Variants in EFR3B observed in about 807,000 individuals in gnomAD.
EFR3B encodes EFR3 homolog B, also known as protein EFR3 homolog B.
A neutral mutation model predicts 104.7 loss-of-function variants in EFR3B; 64 were observed. The ratio of observed to expected loss-of-function variants is 0.61; its 90% confidence interval spans 0.50 to 0.75. The LOEUF (loss-of-function observed/expected upper bound fraction) is 0.75, where lower values mean the gene tolerates loss of function less well. EFR3B is among the 30% of genes least tolerant of loss of function. The pLI, the probability that EFR3B is intolerant of heterozygous loss-of-function variation, is 0.00. For missense variants in EFR3B, 750 were observed against 1,078.5 expected, an observed-to-expected ratio of 0.70 and a Z score of 4.27; for synonymous variants, 385 against 417.9, an observed-to-expected ratio of 0.92 and a Z score of 0.96.
intron 1 of EFR3B, chr2:25,081,640 C>T (rs965924491): frequency 1.2e-5 from 8 of 659,606 alleles, no homozygotes; most frequent in South Asian, 1.1e-4. Flanking sequence ...AAGGTGGCCC[C>T]GAAGGGTAGC....
chr2:25,131,756 C>G lies in EFR3B; in HGVS notation c.992C>G (p.Thr331Arg). 6.6e-7 allele frequency: 1 copy of G among 1,510,734 alleles called. No individual in the cohort carries two copies. Among genetic ancestry groups the G allele is most frequent in the Non-Finnish European group, 8.9e-7 (1 of 1,124,492 alleles). 93.6% of individuals were successfully genotyped at this position (1,510,734 alleles called of 1,614,324 possible). The change falls in exon 10 of 23, where the codon ACA (threonine) becomes AGA (arginine). Residue 331 changes from threonine (T) to arginine (R), a missense_variant. Coordinates refer to ENST00000403714, the MANE Select transcript of EFR3B (RefSeq NM_014971.2). The surrounding 1 kb of genome is among the most constrained non-coding windows in gnomAD (Gnocchi z 7.6). ...VIAATGSVGP[T>R]VLEMFNTLLR... ...CCCGCCCCACCGCTCTCAGGGCCCA[C>G]AGTACTGGAGATGTTCAACACGCTG...
At position 25,106,404 on chromosome 2, in the gene EFR3B, T is replaced by C. The variant is rs369705063; in HGVS notation, c.363+2617T>C. ...TCCGAGGTTCAAGTGATTCTTCTAC[T>C]TCAGCCTCTCCAGTAGCTAGGATTA... On this transcript the variant is annotated intron_variant, in intron 4 of 22. Transcript: ENST00000403714. 6.4e-4 allele frequency among the ~76,000 whole-genome samples: 97 copies of C among 151,864 alleles called. 1 individual carries two copies. In the South Asian group the frequency reaches 0.019, roughly 30 times the overall value.
intron 3 of EFR3B, among the ~76,000 whole-genome samples, chr2:25,099,458 G>A (rs1669372180): frequency 6.6e-6 from 1 of 151,868 alleles, no homozygotes; most frequent in South Asian, 2.1e-4. Context: ...GGTGGGCCCA[G>A]AGACAACTAT....
chr2:25,133,564 C>A, intron 12 of EFR3B, 130 bp downstream of exon 12: 3 of 1,021,078 alleles, frequency 2.9e-6, no homozygotes, highest in South Asian at 1.4e-5. Flanking sequence ...TCGGTTGAGT[C>A]GGGGCTGAAA....
At chr2:25,045,021 C>T (rs1667677660) in intron 1 of EFR3B, among the ~76,000 whole-genome samples, 1 of 152,158 alleles carries the variant, frequency 6.6e-6, no homozygotes, top group East Asian at 1.9e-4. Flanking sequence ...TCCCTGTATA[C>T]AAAAGTGAAA....
intron 1 of EFR3B, among the ~76,000 whole-genome samples, chr2:25,062,406 C>T (rs182320696): frequency 2.3e-3 from 343 of 152,292 alleles, no homozygotes; most frequent in Non-Finnish European, 3.9e-3. Context: ...GTACTGAATG[C>T]TTAAATGTGT....
chr2:25,109,352 C>G lies in EFR3B; in HGVS notation c.363+5565C>G, dbSNP rs569294043. Among the ~76,000 whole-genome samples, 11 of 152,296 alleles carry G rather than the reference C, an allele frequency of 7.2e-5. No homozygotes were observed. In the East Asian group the frequency reaches 2.1e-3, roughly 29 times the overall value. ...CCCCCTAAGATGGCAATTAAAAACA[C>G]AGTCCCACACACAAAAGATGGCAAA... On this transcript the variant is annotated intron_variant, in intron 4 of 22. Transcript: ENST00000403714.
chr2:25,152,039 G>A lies in EFR3B; in HGVS notation c.2298+19G>A. On this transcript the variant is annotated intron_variant, in intron 21 of 22. Transcript: ENST00000403714. ...GGCCCGGGTAAGTGAAGCATGACAT[G>A]GGCGAGTCCCTGGGAGCCAAGTCAA... The A allele has an allele frequency of 6.4e-7, 1 of 1,550,448 alleles. No homozygotes were observed. The highest frequency in any genetic ancestry group is 8.7e-7 in the Non-Finnish European group (1 of 1,146,008).
intron 1 of EFR3B, among the ~76,000 whole-genome samples, chr2:25,066,197 T>C (rs1183415178): frequency 1.3e-5 from 2 of 152,190 alleles, no homozygotes; most frequent in African/African-American, 2.4e-5. Flanking sequence ...GTTCAGGGCC[T>C]TGTCTTGCTC....
intron 20 of EFR3B, 146 bp from the exon 21 acceptor site, chr2:25,151,768 G>T: frequency 1.3e-6 from 1 of 788,282 alleles, no homozygotes; most frequent in Admixed American, 2.9e-5. Flanking sequence ...GGCCAAGTGA[G>T]GGCACCGCAC....
At chr2:25,046,987 C>G (rs904437276) in intron 1 of EFR3B, among the ~76,000 whole-genome samples, 1 of 152,202 alleles carries the variant, frequency 6.6e-6, no homozygotes, top group Non-Finnish European at 1.5e-5. Context: ...CCTTCCCCCT[C>G]CCACCTACCA....
rs376174096 is a variant in EFR3B at position 25,124,886 on chromosome 2, G to A, written c.485+3092G>A. 2.0e-4 allele frequency among the ~76,000 whole-genome samples: 30 copies of A among 151,472 alleles called. 1 individual carries two copies. The highest frequency in any genetic ancestry group is 6.1e-4 in the African/African-American group (25 of 41,212). The stretch of plus-strand genomic sequence containing the variant: ...AGCCTGGTCAACATGGTGAAACCCC[G>A]TCTCTATTGAAAACACAAAAAATTA... On this transcript the variant is annotated intron_variant, in intron 5 of 22. Coordinates refer to ENST00000403714, the MANE Select transcript of EFR3B (RefSeq NM_014971.2).
intron 3 of EFR3B, among the ~76,000 whole-genome samples, chr2:25,102,413 T>C (rs1669451246): frequency 6.6e-6 from 1 of 152,180 alleles, no homozygotes; most frequent in Non-Finnish European, 1.5e-5. Flanking sequence ...AGAGGTTTAA[T>C]TGACTCACAC....
At chr2:25,110,382 C>T (rs1438204150) in intron 4 of EFR3B, among the ~76,000 whole-genome samples, 1 of 152,152 alleles carries the variant, frequency 6.6e-6, no homozygotes, top group African/African-American at 2.4e-5. Context: ...CTCACGTCCT[C>T]CAAGTGATCC....
intron 12 of EFR3B, among the ~76,000 whole-genome samples, 189 bp from the exon 13 acceptor site, chr2:25,135,278 G>T (rs530546248): frequency 6.6e-6 from 1 of 152,124 alleles, no homozygotes; most frequent in Non-Finnish European, 1.5e-5. Context: ...TACTGAGCTC[G>T]GTGTCATCTA....
At chr2:25,135,805 T>C (rs943016558) in intron 13 of EFR3B, among the ~76,000 whole-genome samples, 166 bp downstream of exon 13, 9 of 152,038 alleles carry the variant, frequency 5.9e-5, no homozygotes, top group Middle Eastern at 3.4e-3. Flanking sequence ...TCACCAGGAG[T>C]TGATCACCAA....
rs1458784879 is a variant in EFR3B, at chr2:25,136,270, A to T, written c.1485-253A>T. 6.6e-6 allele frequency among the ~76,000 whole-genome samples: 1 copy of T among 152,028 alleles called. No homozygotes were observed. Among genetic ancestry groups the T allele is most frequent in the Non-Finnish European group, 1.5e-5 (1 of 67,992 alleles). On this transcript the variant is annotated intron_variant, in intron 13 of 22. Transcript: ENST00000403714. The surrounding 1 kb of genome is among the most constrained non-coding windows in gnomAD (Gnocchi z 4.0). Reference sequence around the variant, plus strand: ...GAGGTTAAGGCTGCAGAGAGCTGTGATTATGGAACAACTACACTCCAGCCT... The same window carrying T: ...GAGGTTAAGGCTGCAGAGAGCTGTGTTTATGGAACAACTACACTCCAGCCT...
intron 3 of EFR3B, among the ~76,000 whole-genome samples, chr2:25,097,239 A>C (rs1337747556): frequency 6.6e-6 from 1 of 152,230 alleles, no homozygotes; most frequent in South Asian, 2.1e-4. Flanking sequence ...CTAAGTATTT[A>C]AAACCTGAAG....
At chr2:25,123,292 C>T (rs1362658107) in intron 5 of EFR3B, among the ~76,000 whole-genome samples, 1 of 150,396 alleles carries the variant, frequency 6.6e-6, no homozygotes, top group Non-Finnish European at 1.5e-5. Context: ...CCTGGGAGGT[C>T]GAGGCTGCAG....
Sources: allele counts gnomAD v4.1 joint callset (sites outside exome capture counted in the v4.1 genomes callset), GRCh38; gene constraint gnomAD v4.1.1; non-coding constraint Gnocchi (gnomAD v3.1); transcripts MANE v1.5; gene names NCBI Gene and HGNC (gene_info 2026-07-23, HGNC 2026-07-21).